VIRMA: variants seen among roughly 807,000 people sequenced by gnomAD.
VIRMA encodes protein virilizer homolog.
VIRMA carries 65 observed loss-of-function variants against 182.4 expected under a neutral mutation model. The ratio of observed to expected loss-of-function variants is 0.36; its 90% confidence interval spans 0.29 to 0.44. The LOEUF is 0.44. VIRMA is among the 20% of genes least tolerant of loss of function. VIRMA has a pLI of 1.00. For synonymous variants in VIRMA, 709 were observed against 743.1 expected, an observed-to-expected ratio of 0.95 and a Z score of 0.75; for missense variants, 1,752 against 2,158.1, an observed-to-expected ratio of 0.81 and a Z score of 3.73.
rs765130078 is a variant in VIRMA, at chr8:94,527,098, T to C, written c.1146A>G (p.Ser382=). 10 of 1,614,220 alleles carry C rather than the reference T, an allele frequency of 6.2e-6. No individual in the cohort carries two copies. The highest frequency in any genetic ancestry group is 7.6e-6 in the Non-Finnish European group (9 of 1,180,040). ...DKENSGAIEA[S]VKLTELLDLY... The stretch of plus-strand genomic sequence containing the variant: ...AATCTAAGAGTTCTGTTAACTTCAC[T>C]GAGGCTTCGATTGCCCCTGAATTTT... Residue 382 remains serine, a synonymous_variant, in exon 8 of 24, where the codon TCA becomes TCG. Coordinates refer to ENST00000297591, the MANE Select transcript of VIRMA (RefSeq NM_015496.5).
In VIRMA at chr8:94,499,437, G is replaced by T; in HGVS notation, c.4167C>A (p.Asp1389Glu). 6.2e-7 allele frequency: 1 copy of T among 1,610,074 alleles called. No homozygotes were observed. Residue 1389 changes from aspartate (D) to glutamate (E), a missense_variant, in exon 17 of 24, where the codon GAC (aspartate) becomes GAA (glutamate). Around this residue, in one of 11 missense-constraint regions of VIRMA, gnomAD observed 777 missense variants for 920.6 expected, o/e 0.84. Coordinates refer to ENST00000297591, the MANE Select transcript of VIRMA (RefSeq NM_015496.5). ...AAAATGAAGATGCAAGCTCTCCTGT[G>T]TCCTTACTAAATGTGCTGACCACTC... is the stretch of plus-strand genomic sequence containing the variant. ...LKRVVSTFSK[D>E]TGELASSFLE...
chr8:94,495,177 A>T (rs982036206), intron 19 of VIRMA, among the ~76,000 whole-genome samples: 12 of 151,978 alleles, frequency 7.9e-5, no homozygotes, highest in South Asian at 4.2e-4. Flanking sequence ...ATTAAAAAAA[A>T]TTTTTTTGTA....
At chr8:94,518,343 T>C (rs1444510697) in intron 9 of VIRMA, among the ~76,000 whole-genome samples, 2 of 152,212 alleles carry the variant, frequency 1.3e-5, no homozygotes, top group African/African-American at 4.8e-5. Flanking sequence ...TATTCCACTA[T>C]AAACCTGTTA....
intron 12 of VIRMA, 113 bp from the exon 13 acceptor site, chr8:94,511,842 GAT>G: frequency 1.5e-6 from 1 of 688,552 alleles, no homozygotes; most frequent in African/African-American, 1.9e-5. Flanking sequence ...TATAATAAAT[GAT>G]TTTTATTATG....
chr8:94,536,216 G>A (rs1815337711), intron 4 of VIRMA, among the ~76,000 whole-genome samples: 1 of 152,160 alleles, frequency 6.6e-6, no homozygotes, highest in African/African-American at 2.4e-5. Context: ...ACTGGCCAAG[G>A]ATTGATAGAC....
chr8:94,504,530 G>A (rs915546877), intron 16 of VIRMA, among the ~76,000 whole-genome samples: 7 of 152,136 alleles, frequency 4.6e-5, no homozygotes, highest in African/African-American at 1.7e-4. Context: ...TTTAATTGAG[G>A]TACAATAGGA....
At chr8:94,537,794 G>GA (rs1586106850) in intron 3 of VIRMA, among the ~76,000 whole-genome samples, 1 of 151,474 alleles carries the variant, frequency 6.6e-6, no homozygotes, top group East Asian at 1.9e-4. Flanking sequence ...TACCTAACCT[G>GA]AAAAAAACTA....
At chr8:94,496,072 T>A (rs1029424386) in intron 18 of VIRMA, 181 bp from the exon 19 acceptor site, 7 of 642,494 alleles carry the variant, frequency 1.1e-5, no homozygotes, top group Non-Finnish European at 1.5e-5. Flanking sequence ...TCATTTTATT[T>A]CTAAACAATA....
At chr8:94,513,107 G>A (rs1814432403) in intron 11 of VIRMA, among the ~76,000 whole-genome samples, 1 of 152,216 alleles carries the variant, frequency 6.6e-6, no homozygotes, top group Admixed American at 6.5e-5. Context: ...GGAGGCCATG[G>A]CGGGTGGATC....
intron 6 of VIRMA, among the ~76,000 whole-genome samples, chr8:94,529,750 C>T (rs1010294053): frequency 6.6e-6 from 1 of 152,092 alleles, no homozygotes; most frequent in African/African-American, 2.4e-5. Context: ...AGCAATTCTC[C>T]TCCCTCAGTC....
intron 1 of VIRMA, among the ~76,000 whole-genome samples, chr8:94,545,191 A>G (rs190599193): frequency 6.6e-5 from 10 of 152,346 alleles, no homozygotes; most frequent in African/African-American, 2.4e-4. Flanking sequence ...GTATATACTT[A>G]CATCTATCAT....
chr8:94,550,895 T>C (rs1815962122), intron 1 of VIRMA, among the ~76,000 whole-genome samples: 1 of 152,028 alleles, frequency 6.6e-6, no homozygotes. Flanking sequence ...ATTTTTTGTA[T>C]TTTAGTAGAG....
At chr8:94,501,082 A>G (rs1202450871) in intron 16 of VIRMA, among the ~76,000 whole-genome samples, 7 of 151,720 alleles carry the variant, frequency 4.6e-5, no homozygotes, top group Admixed American at 2.6e-4. Context: ...TGTCTCCACT[A>G]AAAAAACAAA....
At chr8:94,493,533 T>A (rs1184823709) in intron 20 of VIRMA, among the ~76,000 whole-genome samples, 1 of 152,210 alleles carries the variant, frequency 6.6e-6, no homozygotes, top group African/African-American at 2.4e-5. Context: ...ACATTTCAAT[T>A]GTACAACAGG....
In VIRMA at chr8:94,519,914, A is replaced by T. The variant is rs575011851; in HGVS notation, c.2022-438T>A. Among the ~76,000 whole-genome samples, 15 of 152,276 alleles carry T rather than the reference A, an allele frequency of 9.9e-5. 1 individual carries two copies. Among genetic ancestry groups the T allele is most frequent in the Admixed American group, 8.5e-4 (13 of 15,288 alleles). On this transcript the variant is annotated intron_variant, in intron 8 of 23. Transcript: ENST00000297591. ...CAACTGCAAATCGAAAATATTTTTTAAAAGTGCATCTGATGCCAGGTGCAG... is the reference window on the plus strand; with the variant it reads ...CAACTGCAAATCGAAAATATTTTTTTAAAGTGCATCTGATGCCAGGTGCAG...
At chr8:94,503,258 AT>A (rs1483544690) in intron 16 of VIRMA, among the ~76,000 whole-genome samples, 1 of 152,240 alleles carries the variant, frequency 6.6e-6, no homozygotes, top group Non-Finnish European at 1.5e-5. Flanking sequence ...ATATTTAGTA[AT>A]TAAAAATGGG....
chr8:94,493,063 G>A (rs1813657625), intron 20 of VIRMA, among the ~76,000 whole-genome samples: 2 of 152,154 alleles, frequency 1.3e-5, no homozygotes, highest in South Asian at 4.2e-4. Flanking sequence ...TATTAATCTA[G>A]GAGAACTTTG....
chr8:94,497,218 A>C (rs963388790), intron 17 of VIRMA: 1 of 152,000 alleles, frequency 6.6e-6, no homozygotes, highest in Non-Finnish European at 1.5e-5. Flanking sequence ...CTTGCATCTC[A>C]TCCTCCCAAG....
intron 2 of VIRMA, among the ~76,000 whole-genome samples, chr8:94,538,620 G>A (rs889325181): frequency 1.9e-4 from 29 of 151,270 alleles, no homozygotes; most frequent in Middle Eastern, 3.4e-3. Context: ...TTTTTTTTGA[G>A]ACGGTGTTAC....
Sources: gnomAD v4.1 joint callset for allele counts (sites outside exome capture counted in the v4.1 genomes callset) on GRCh38, gnomAD v4.1.1 for gene constraint, gnomAD v4.1.1 regional missense constraint, MANE v1.5 for transcripts, NCBI Gene and HGNC (gene_info 2026-07-23, HGNC 2026-07-21) for gene names.